Variants in FRMD4B observed in about 807,000 individuals in gnomAD.
FRMD4B encodes the protein FERM domain containing 4B.
Under a neutral mutation model 141.5 loss-of-function variants are expected in FRMD4B, and 74 were observed. That is an observed-to-expected ratio of 0.52 (90% CI 0.43 to 0.63). FRMD4B has a LOEUF of 0.63. FRMD4B is among the 30% of genes least tolerant of loss of function. The pLI is 0.00. For missense variants in FRMD4B, 1,366 were observed against 1,253.4 expected, an observed-to-expected ratio of 1.09 and a Z score of -1.36; for synonymous variants, 506 against 467.9, an observed-to-expected ratio of 1.08 and a Z score of -1.05.
intron 1 of FRMD4B, among the ~76,000 whole-genome samples, chr3:69,459,792 C>A (rs1705682537): frequency 6.6e-6 from 1 of 152,228 alleles, no homozygotes; most frequent in Non-Finnish European, 1.5e-5. Context: ...CTACCAGGAG[C>A]ATAACAGGCA....
At chr3:69,455,537 G>C (rs1020762249) in intron 1 of FRMD4B, among the ~76,000 whole-genome samples, 1 of 152,114 alleles carries the variant, frequency 6.6e-6, no homozygotes, top group African/African-American at 2.4e-5. Context: ...ACCATTAACC[G>C]GTAAGAAGGA....
intron 1 of FRMD4B, among the ~76,000 whole-genome samples, chr3:69,456,388 C>T (rs1004678085): frequency 1.3e-5 from 2 of 152,054 alleles, no homozygotes; most frequent in African/African-American, 4.8e-5. Context: ...GGAATTTACC[C>T]TAAGGAAAAA....
At chr3:69,513,176 A>G (rs953383866) in intron 1 of FRMD4B, among the ~76,000 whole-genome samples, 7 of 152,262 alleles carry the variant, frequency 4.6e-5, no homozygotes, top group Admixed American at 2.0e-4. Context: ...TGAACTAAGA[A>G]AAAAAGAGAA....
At chr3:69,389,917 T>C (rs1704344058), upstream of FRMD4B, among the ~76,000 whole-genome samples, 1 of 151,832 alleles carries the variant, frequency 6.6e-6, no homozygotes, top group East Asian at 1.9e-4. Flanking sequence ...TTTCTTTTTT[T>C]TTTTAATTTA....
At chr3:69,294,425 G>C (rs1434828988) in intron 4 of FRMD4B, among the ~76,000 whole-genome samples, 2 of 152,232 alleles carry the variant, frequency 1.3e-5, no homozygotes, top group Non-Finnish European at 2.9e-5. Flanking sequence ...ATATTATGCA[G>C]TGCTTATGGG....
Position 69,523,861 on chromosome 3 carries a change from C to G in FRMD4B, c.-129+18345G>C, listed in dbSNP as rs557054149. Reference sequence around the variant, plus strand: ...TCAGTTCCTCCCTAAGCAGTTGGTTCCCTTACCTTCACTTGCCACATTTAC... The same window carrying G: ...TCAGTTCCTCCCTAAGCAGTTGGTTGCCTTACCTTCACTTGCCACATTTAC... On this transcript the variant is annotated intron_variant, in intron 1 of 5. Coordinates refer to the FRMD4B transcript ENST00000459638. Among the ~76,000 whole-genome samples the G allele has an allele frequency of 3.3e-5, 5 of 152,216 alleles. No individual in the cohort carries two copies. In the South Asian group the frequency reaches 1.0e-3, roughly 32 times the overall value.
intron 11 of FRMD4B, among the ~76,000 whole-genome samples, chr3:69,204,993 C>G (rs576703694): frequency 6.8e-6 from 1 of 146,140 alleles, no homozygotes; most frequent in East Asian, 2.1e-4. Flanking sequence ...AATGTATAAC[C>G]ACAGCATGTC....
chr3:69,397,344 C>T (rs991903984), intron 2 of FRMD4B, among the ~76,000 whole-genome samples: 3 of 151,854 alleles, frequency 2.0e-5, no homozygotes, highest in Admixed American at 2.0e-4. Flanking sequence ...TAGGGTATGA[C>T]TATTAATGGG....
intron 2 of FRMD4B, among the ~76,000 whole-genome samples, chr3:69,427,441 AT>A (rs1229916988): frequency 6.6e-6 from 1 of 150,430 alleles, no homozygotes; most frequent in East Asian, 1.9e-4. Context: ...TAAACATGAA[AT>A]ATATTTTTAA....
At chr3:69,246,100 G>A (rs1246132106) in intron 7 of FRMD4B, among the ~76,000 whole-genome samples, 1 of 152,144 alleles carries the variant, frequency 6.6e-6, no homozygotes, top group African/African-American at 2.4e-5. Flanking sequence ...GCCTCCCAAA[G>A]TGCTGGGATT....
intron 1 of FRMD4B, among the ~76,000 whole-genome samples, chr3:69,523,440 T>C (rs1470252465): frequency 1.3e-5 from 2 of 152,282 alleles, no homozygotes; most frequent in African/African-American, 2.4e-5. Context: ...TGGGGTACCA[T>C]TTCCAGTGGA....
intron 1 of FRMD4B, among the ~76,000 whole-genome samples, chr3:69,343,165 G>C (rs1702797733): frequency 6.6e-6 from 1 of 152,070 alleles, no homozygotes; most frequent in South Asian, 2.1e-4. Context: ...TGTTGTCCAG[G>C]CTGGTCTTGA....
At chr3:69,303,947 A>G (rs1701303490) in intron 3 of FRMD4B, among the ~76,000 whole-genome samples, 1 of 152,136 alleles carries the variant, frequency 6.6e-6, no homozygotes, top group Non-Finnish European at 1.5e-5. Context: ...AACAAAAGCA[A>G]AAACAAAAAC....
At chr3:69,273,007 C>T (rs2093602676) in intron 5 of FRMD4B, among the ~76,000 whole-genome samples, 1 of 152,138 alleles carries the variant, frequency 6.6e-6, no homozygotes, top group Admixed American at 6.6e-5. Flanking sequence ...TCATTATTGA[C>T]TTTTGGGGAT....
chr3:69,517,780 G>A (rs903197016), intron 1 of FRMD4B, among the ~76,000 whole-genome samples: 15 of 152,152 alleles, frequency 9.9e-5, no homozygotes, highest in African/African-American at 3.4e-4. Flanking sequence ...CAGCTCAAGT[G>A]TGGAACCTCA....
rs140202368 is a variant in FRMD4B at position 69,169,353 on chromosome 3, C to CTTT, written c.*2505_*2507dup. 1.4e-4 allele frequency among the ~76,000 whole-genome samples: 4 copies of CTTT among 29,284 alleles called. No individual in the cohort carries two copies. Among genetic ancestry groups the CTTT allele is most frequent in the African/African-American group, 2.5e-4 (4 of 15,692 alleles). The allele number at this position is 29,284 out of a possible 152,430, so 19.2% of individuals were successfully genotyped here. A position where few individuals can be genotyped will look rare whatever the true frequency, so the allele number is the denominator to read the frequency against. ...AGGATTGCTGAACTTCCATTTCTTT[C>CTTT]TTTTTTTTTTTTTTTTTTTTTTCTT... On this transcript the variant is annotated 3_prime_UTR_variant, in exon 23 of 23. Transcript: ENST00000398540.
Position 69,193,827 on chromosome 3 carries a change from T to TTTTGTTGTATTAGAAAATTACTC in FRMD4B, c.1512_1534dup (p.Lys512ArgfsTer5). On this transcript the variant is annotated stop_gained and frameshift_variant, in exon 17 of 23. Coordinates refer to ENST00000398540, the MANE Select transcript of FRMD4B (RefSeq NM_015123.3). LOFTEE classifies it high-confidence loss of function. ...AAGTTTCTTTGCAGCTTCCACCAGCTTTTGTTGTATTAGAAAATTACTCTC... is the reference window on the plus strand; with the variant it reads ...AAGTTTCTTTGCAGCTTCCACCAGCTTTTGTTGTATTAGAAAATTACTCTTTGTTGTATTAGAAAATTACTCTC... 6.2e-7 allele frequency: 1 copy of TTTTGTTGTATTAGAAAATTACTC among 1,613,490 alleles called. No homozygotes were observed. Among genetic ancestry groups the TTTTGTTGTATTAGAAAATTACTC allele is most frequent in the Non-Finnish European group, 8.5e-7 (1 of 1,179,494 alleles).
intron 1 of FRMD4B, among the ~76,000 whole-genome samples, chr3:69,526,401 C>T (rs11923625): frequency 0.23 from 34,839 of 152,034 alleles, 4,170 homozygotes; most frequent in African/African-American, 0.28. Context: ...CTGATGTTTC[C>T]CAGGCTTCCT....
intron 1 of FRMD4B, among the ~76,000 whole-genome samples, chr3:69,519,392 A>G (rs1700816676): frequency 6.6e-6 from 1 of 152,112 alleles, no homozygotes; most frequent in African/African-American, 2.4e-5. Context: ...GAGCAGCAGC[A>G]TCTGTGTGTG....
Sources: allele counts gnomAD v4.1 joint callset (sites outside exome capture counted in the v4.1 genomes callset), GRCh38; gene constraint gnomAD v4.1.1; transcripts MANE v1.5; gene names NCBI Gene and HGNC (gene_info 2026-07-23, HGNC 2026-07-21).